The following BSN variants were observed in gnomAD, a reference collection of about 807,000 sequenced individuals.
BSN encodes the protein bassoon presynaptic cytomatrix protein, also known as protein bassoon.
A neutral mutation model predicts 264.8 loss-of-function variants in BSN; 57 were observed. The ratio of observed to expected loss-of-function variants is 0.22; its 90% confidence interval spans 0.17 to 0.27. The LOEUF is 0.27. Among genes scored for constraint, BSN ranks in the 10% least tolerant of loss-of-function variants. BSN has a pLI of 1.00. For synonymous variants in BSN, 2,059 were observed against 2,137.3 expected (o/e 0.96, Z 1.01); for missense variants, 4,615 against 5,232.5 (o/e 0.88, Z 3.64).
chr3:49,642,282 C>G lies in BSN; in HGVS notation c.648C>G (p.Leu216=), dbSNP rs1337213538. 1.3e-6 allele frequency: 2 copies of G among 1,538,770 alleles called. No individual in the cohort carries two copies. The highest frequency in any genetic ancestry group is 1.7e-6 in the Non-Finnish European group (2 of 1,145,066). ...TTTCTCCTCAGGTGAAGGAGTGGCTCTGTCTGAACTGTCAGATGCAGAGGG... is the reference window on the plus strand; with the variant it reads ...TTTCTCCTCAGGTGAAGGAGTGGCTGTGTCTGAACTGTCAGATGCAGAGGG... ...NPHLTQVKEW[L]CLNCQMQRAL... The change falls in exon 3 of 12, where the codon CTC becomes CTG. Residue 216 remains leucine (L), a synonymous_variant. Coordinates refer to ENST00000296452, the MANE Select transcript of BSN (RefSeq NM_003458.4). The surrounding 1 kb of genome is among the most constrained non-coding windows in gnomAD (Gnocchi z 7.0).
At chr3:49,609,089 C>CTTTT (rs35003449) in intron 1 of BSN, among the ~76,000 whole-genome samples, 1 of 89,030 alleles carries the variant, frequency 1.1e-5, no homozygotes, top group African/African-American at 4.3e-5. Context: ...GTTAAATTGA[C>CTTTT]TTTTTTTTTT....
chr3:49,594,956 T>C (rs2052010249), intron 1 of BSN, among the ~76,000 whole-genome samples: 1 of 149,976 alleles, frequency 6.7e-6, no homozygotes, highest in African/African-American at 2.4e-5. Flanking sequence ...AGTGGCACAA[T>C]CTCGGCTCAC....
At chr3:49,572,620 G>A (rs1407868596) in intron 1 of BSN, among the ~76,000 whole-genome samples, 1 of 152,122 alleles carries the variant, frequency 6.6e-6, no homozygotes, top group African/African-American at 2.4e-5. Context: ...GGCAAGCTCC[G>A]CTTCCCGGGT....
chr3:49,664,598 G>T (rs775338768), intron 9 of BSN, 44 bp downstream of exon 9: 1 of 1,559,812 alleles, frequency 6.4e-7, no homozygotes, highest in South Asian at 1.2e-5. Flanking sequence ...GGCTACTCTG[G>T]TACAGGCTGG....
intron 1 of BSN, among the ~76,000 whole-genome samples, chr3:49,558,413 C>T (rs1276395940): frequency 6.6e-6 from 1 of 152,208 alleles, no homozygotes; most frequent in African/African-American, 2.4e-5. Context: ...GAGACAGACA[C>T]CCTAAGCCAA....
intron 1 of BSN, among the ~76,000 whole-genome samples, chr3:49,605,116 C>T (rs2052102175): frequency 6.7e-6 from 1 of 148,596 alleles, no homozygotes; most frequent in African/African-American, 2.5e-5. Flanking sequence ...AAAAATTAGC[C>T]AGACATGGTG....
rs1196692124 is a variant in BSN, at chr3:49,661,865, G to A, written c.10020G>A (p.Gly3340=). 1.2e-6 allele frequency: 2 copies of A among 1,613,600 alleles called. No homozygotes were observed. The highest frequency in any genetic ancestry group is 1.3e-5 in the African/African-American group (1 of 75,066). The change falls in exon 6 of 12, where the codon GGG becomes GGA. Residue 3340 remains glycine (G), a synonymous_variant. Transcript: ENST00000296452. The part of the protein sequence containing the change: ...RVEKYGPGPM[G]PKHPSKSLAP... ...AGAAGTATGGTCCAGGGCCCATGGG[G>A]CCCAAGCATCCCTCCAAGAGCCTGG...
In BSN at chr3:49,654,424, C is replaced by A; in HGVS notation, c.4868C>A (p.Ala1623Glu). Residue 1623 changes from alanine (A) to glutamate (E), a missense_variant, in exon 5 of 12, where the codon GCA becomes GAA. By Grantham distance (107) the Ala-to-Glu change is moderately radical (BLOSUM62 -1). Coordinates refer to ENST00000296452, the MANE Select transcript of BSN (RefSeq NM_003458.4). This position sits in a 1 kb window ranked among gnomAD's most constrained non-coding sequence, Gnocchi z 4.1. ...TTTCCACGGGTGCCCAGTGCTGGTG[C>A]AGATGGGCCCCTGGCACTATATGGC... ...PGFPRVPSAG[A>E]DGPLALYGWG... 2 of 1,599,476 alleles carry A rather than the reference C, an allele frequency of 1.3e-6. No homozygotes were observed. The highest frequency in any genetic ancestry group is 8.5e-7 in the Non-Finnish European group (1 of 1,173,800).
chr3:49,631,145 A>G (rs1490265954), intron 2 of BSN, among the ~76,000 whole-genome samples: 2 of 152,136 alleles, frequency 1.3e-5, no homozygotes, highest in Non-Finnish European at 2.9e-5. Flanking sequence ...TGAAGCCTTC[A>G]GACCAGTGCA....
At position 49,643,116 on chromosome 3, in the gene BSN, C is replaced by T. The variant is rs903746960; in HGVS notation, c.1482C>T (p.Asn494=). The change falls in exon 3 of 12, where the codon AAC becomes AAT. Residue 494 remains asparagine, a synonymous_variant. Transcript: ENST00000296452. ...TCTTCRLQVC[N]LCGFNPTPHL... is the part of the protein sequence containing the mutation. ...CCACCTGCAGGCTCCAGGTGTGCAACCTGTGTGGCTTCAACCCAACACCCC... is the reference window on the plus strand; with the variant it reads ...CCACCTGCAGGCTCCAGGTGTGCAATCTGTGTGGCTTCAACCCAACACCCC... 6.2e-7 allele frequency: 1 copy of T among 1,612,562 alleles called. No homozygotes were observed. Among genetic ancestry groups the T allele is most frequent in the Admixed American group, 1.7e-5 (1 of 60,022 alleles).
intron 1 of BSN, among the ~76,000 whole-genome samples, chr3:49,614,200 C>G (rs2052239039): frequency 6.6e-6 from 1 of 151,998 alleles, no homozygotes; most frequent in Non-Finnish European, 1.5e-5. Context: ...GCTGGGACTA[C>G]AGATGCCCGC....
intron 1 of BSN, among the ~76,000 whole-genome samples, chr3:49,579,154 ATTT>A (rs111577896): frequency 2.1e-5 from 3 of 141,798 alleles, no homozygotes; most frequent in Non-Finnish European, 3.1e-5. Context: ...TGCCTGGCTA[ATTT>A]TTTTTTTTTT....
intron 1 of BSN, among the ~76,000 whole-genome samples, chr3:49,568,480 A>G (rs566275088): frequency 2.6e-5 from 4 of 152,086 alleles, no homozygotes; most frequent in Non-Finnish European, 4.4e-5. Flanking sequence ...TTTTTATCAG[A>G]TTTTTCCCAC....
chr3:49,656,881 G>A lies in BSN; in HGVS notation c.7325G>A (p.Arg2442Gln), dbSNP rs377432959. The A allele has an allele frequency of 1.9e-6, 3 of 1,601,910 alleles. No homozygotes were observed. Among genetic ancestry groups the A allele is most frequent in the Admixed American group, 3.5e-5 (2 of 57,682 alleles). The change falls in exon 5 of 12, where the codon CGG (arginine) becomes CAG (glutamine). Residue 2442 changes from arginine (R) to glutamine (Q), a missense_variant. Around this residue, in one of 3 missense-constraint regions of BSN, gnomAD observed 3,415 missense variants for 3,866.4 expected, o/e 0.88. Transcript: ENST00000296452. ...CGCCAGGCTCAATTTGCACTGCAGCGGGAACAGCTAGCGCAGCAGCGTCTG... is the reference window on the plus strand; with the variant it reads ...CGCCAGGCTCAATTTGCACTGCAGCAGGAACAGCTAGCGCAGCAGCGTCTG... The part of the protein sequence containing the change: ...EERQAQFALQ[R>Q]EQLAQQRLQL...
intron 1 of BSN, among the ~76,000 whole-genome samples, chr3:49,578,641 C>T (rs1386512161): frequency 2.0e-5 from 3 of 151,868 alleles, no homozygotes; most frequent in Non-Finnish European, 2.9e-5. Context: ...CTCCTGATCT[C>T]GTGATCCACC....
chr3:49,661,082 G>T lies in BSN; in HGVS notation c.9237G>T (p.Gln3079His). Residue 3079 changes from glutamine to histidine, a missense_variant, in exon 6 of 12, where the codon CAG becomes CAT. By Grantham distance (24) the Gln-to-His change is conservative (BLOSUM62 0). Coordinates refer to ENST00000296452, the MANE Select transcript of BSN (RefSeq NM_003458.4). ...GPTQNGFPAH[Q>H]APTYPGPSTY... The stretch of plus-strand genomic sequence containing the variant: ...CTCAGAACGGATTCCCAGCCCACCA[G>T]GCCCCCACCTACCCTGGCCCCAGCA... 1 of 1,602,034 alleles carries T rather than the reference G, an allele frequency of 6.2e-7. No individual in the cohort carries two copies.
intron 1 of BSN, among the ~76,000 whole-genome samples, chr3:49,562,310 T>A (rs1470079540): frequency 6.6e-6 from 1 of 152,212 alleles, no homozygotes; most frequent in South Asian, 2.1e-4. Flanking sequence ...GAACATCTTT[T>A]GGATACCTAT....
rs1046677414 is a variant in BSN at position 49,657,259 on chromosome 3, T to C, written c.7703T>C (p.Leu2568Pro). ...CCACGCCTGCGGGATGCCTGTGAGC[T>C]AGAGTCTGGGACTGAGCCCTGTGTG... ...SMPRLRDACE[L>P]ESGTEPCVVR... The change falls in exon 5 of 12, where the codon CTA becomes CCA. Residue 2568 changes from leucine (L) to proline (P), a missense_variant. Transcript: ENST00000296452. 2 of 1,613,470 alleles carry C rather than the reference T, an allele frequency of 1.2e-6. No individual in the cohort carries two copies. The highest frequency in any genetic ancestry group is 1.7e-6 in the Non-Finnish European group (2 of 1,180,024).
rs1303798427 is a variant in BSN at position 49,638,675 on chromosome 3, A to G, written c.634-3593A>G. Among the ~76,000 whole-genome samples the G allele has an allele frequency of 1.3e-5, 2 of 152,154 alleles. No homozygotes were observed. Among genetic ancestry groups the G allele is most frequent in the South Asian group, 2.1e-4 (1 of 4,830 alleles). The stretch of plus-strand genomic sequence containing the variant: ...TTCAGCCTTTTCTTGGAGAAGTTCT[A>G]TTTTAGGTGAGATGCCTGTGCCACA... On this transcript the variant is annotated intron_variant, in intron 2 of 11. Transcript: ENST00000296452. This position sits in a 1 kb window ranked among gnomAD's most constrained non-coding sequence, Gnocchi z 4.3.
Sources: allele counts gnomAD v4.1 joint callset (sites outside exome capture counted in the v4.1 genomes callset), GRCh38; gene constraint gnomAD v4.1.1; regional missense constraint gnomAD v4.1.1; non-coding constraint Gnocchi (gnomAD v3.1); transcripts MANE v1.5; gene names NCBI Gene and HGNC (gene_info 2026-07-23, HGNC 2026-07-21).